Variants in PVT1 observed in about 807,000 individuals in gnomAD.
The protein encoded by PVT1 is Pvt1 oncogene.
At chr8:127,803,125 C>CT (rs57755504) in intron 2 of PVT1, 42,961 of 104,958 alleles carry the variant, frequency 0.41, 9,743 homozygotes, top group Non-Finnish European at 0.45. Flanking sequence ...TTCTTTCTTT[C>CT]TTTTTTTTTT....
chr8:127,903,426 T>G (rs1337078354), intron 3 of PVT1, among the ~76,000 whole-genome samples: 1 of 152,262 alleles, frequency 6.6e-6, no homozygotes, highest in Admixed American at 6.5e-5. Flanking sequence ...GCAGAAACTC[T>G]TTAGTTTAAT....
intron 3 of PVT1, chr8:127,932,803 A>AAC (rs1215778646): frequency 1.4e-5 from 4 of 287,274 alleles, no homozygotes; most frequent in Admixed American, 5.2e-5. Flanking sequence ...TACATACACA[A>AAC]ACACACACAC....
At chr8:127,937,936 C>T (rs1026546586) in intron 3 of PVT1, among the ~76,000 whole-genome samples, 2 of 152,210 alleles carry the variant, frequency 1.3e-5, no homozygotes, top group Non-Finnish European at 2.9e-5. Context: ...GCTACATGCT[C>T]CGTCTAGTTC....
At chr8:127,974,083 AT>A (rs1434588213) in intron 3 of PVT1, among the ~76,000 whole-genome samples, 1 of 152,014 alleles carries the variant, frequency 6.6e-6, no homozygotes, top group Non-Finnish European at 1.5e-5. Flanking sequence ...AATTACACAG[AT>A]TGGGTTTTTC....
intron 3 of PVT1, among the ~76,000 whole-genome samples, chr8:127,969,582 C>T (rs1193490056): frequency 6.6e-6 from 1 of 152,166 alleles, no homozygotes; most frequent in Admixed American, 6.5e-5. Context: ...TGTGAGTCAG[C>T]ATTGTGCTGG....
At chr8:127,921,312 A>G (rs1816054085) in intron 3 of PVT1, among the ~76,000 whole-genome samples, 1 of 148,302 alleles carries the variant, frequency 6.7e-6, no homozygotes, top group South Asian at 2.2e-4. Flanking sequence ...TCTCTATGCA[A>G]ATCAAGGGAA....
intron 4 of PVT1, among the ~76,000 whole-genome samples, chr8:128,038,504 G>A (rs1284104941): frequency 6.6e-6 from 1 of 152,196 alleles, no homozygotes; most frequent in East Asian, 1.9e-4. Context: ...CTAAGAGGGA[G>A]GTGCGGCACG....
intron 3 of PVT1, among the ~76,000 whole-genome samples, chr8:127,893,579 A>G (rs1586425068): frequency 6.6e-6 from 1 of 152,194 alleles, no homozygotes; most frequent in East Asian, 1.9e-4. Context: ...GAGCACCCAG[A>G]GGGAAATCAA....
At chr8:127,867,983 C>T (rs1339433392) in intron 2 of PVT1, among the ~76,000 whole-genome samples, 2 of 152,222 alleles carry the variant, frequency 1.3e-5, no homozygotes, top group Admixed American at 6.5e-5. Context: ...GAGGCTCCTT[C>T]CTCTGTGATC....
chr8:128,003,466 C>T (rs191192613), intron 4 of PVT1, among the ~76,000 whole-genome samples: 523 of 152,170 alleles, frequency 3.4e-3, no homozygotes, highest in African/African-American at 0.012. Context: ...TCTCCTCAGC[C>T]TCCCAAGTAC....
intron 2 of PVT1, among the ~76,000 whole-genome samples, chr8:127,820,147 A>T (rs1392662610): frequency 1.3e-5 from 2 of 152,194 alleles, no homozygotes; most frequent in African/African-American, 4.8e-5. Context: ...GCACTCCCAC[A>T]GACCTGATCT....
At chr8:127,924,452 GCCTCCCGAGTAGCT>G (rs1172647709) in intron 3 of PVT1, among the ~76,000 whole-genome samples, 1 of 149,474 alleles carries the variant, frequency 6.7e-6, no homozygotes, top group Non-Finnish European at 1.5e-5. Flanking sequence ...TTCTGCTTCA[GCCTCCCGAGTAGCT>G]GAGACTACAG....
At chr8:128,056,364 CAT>C (rs774997774) in intron 4 of PVT1, among the ~76,000 whole-genome samples, 1 of 152,270 alleles carries the variant, frequency 6.6e-6, no homozygotes, top group Non-Finnish European at 1.5e-5. Context: ...TATGTATACT[CAT>C]ATATGCATAC....
chr8:127,914,285 AAAAAAAAAAAAAAAAG>A (rs1815952079), intron 3 of PVT1, among the ~76,000 whole-genome samples: 1 of 96,584 alleles, frequency 1.0e-5, no homozygotes, highest in African/African-American at 4.8e-5. Context: ...AAAAAAAAAA[AAAAAAAAAAAAAAAAG>A]GCAGAAAATA....
intron 2 of PVT1, among the ~76,000 whole-genome samples, chr8:127,813,779 A>G (rs533063055): frequency 6.6e-6 from 1 of 152,304 alleles, no homozygotes; most frequent in South Asian, 2.1e-4. Flanking sequence ...ACCAAACGTG[A>G]ACAGGAGGGT....
At position 128,043,803 on chromosome 8, in the gene PVT1, C is replaced by CACACACACACACACACAT. The variant is rs1554606714; in HGVS notation, n.913-26356_913-26355insCACACACACACACACATA. Among the ~76,000 whole-genome samples, 137 of 142,482 alleles carry CACACACACACACACACAT rather than the reference C, an allele frequency of 9.6e-4. No individual in the cohort carries two copies. In the East Asian group the frequency reaches 0.012, roughly 12 times the overall value. The allele number at this position is 142,482 out of a possible 152,430, so 93.5% of individuals were successfully genotyped here. On this transcript the variant is annotated intron_variant and non_coding_transcript_variant, in intron 4 of 10. Coordinates refer to ENST00000651587, the Ensembl canonical transcript of PVT1. The stretch of plus-strand genomic sequence containing the variant: ...ACACACACACACACACACACACACA[C>CACACACACACACACACAT]ATACACAAGGAGGCCAAACATCTTG...
At chr8:127,969,199 C>T (rs943569922) in intron 3 of PVT1, among the ~76,000 whole-genome samples, 7 of 152,136 alleles carry the variant, frequency 4.6e-5, no homozygotes, top group Non-Finnish European at 7.4e-5. Flanking sequence ...TCCTCTCTTT[C>T]ATTCTTCATT....
chr8:127,951,597 C>G lies in PVT1; in HGVS notation n.783-37565C>G, dbSNP rs140678439. On this transcript the variant is annotated intron_variant and non_coding_transcript_variant, in intron 3 of 10. Transcript: ENST00000651587. ...AAAGGAGTACAATATCAACAGCAAG[C>G]CTCCCCCGGTCATTACATGCCTAGA... 2.2e-3 allele frequency among the ~76,000 whole-genome samples: 340 copies of G among 152,290 alleles called. 2 individuals carry two copies. Among genetic ancestry groups the G allele is most frequent in the African/African-American group, 7.6e-3 (317 of 41,558 alleles).
intron 3 of PVT1, among the ~76,000 whole-genome samples, chr8:127,923,371 G>A (rs1019834721): frequency 6.6e-6 from 1 of 152,232 alleles, no homozygotes; most frequent in Non-Finnish European, 1.5e-5. Flanking sequence ...AAAGCCAGAT[G>A]TGAAGCCTGT....
Sources: gnomAD v4.1 joint callset for allele counts (sites outside exome capture counted in the v4.1 genomes callset) on GRCh38, gnomAD v4.1.1 for gene constraint, MANE v1.5 for transcripts, NCBI Gene and HGNC (gene_info 2026-07-23, HGNC 2026-07-21) for gene names.